The following PTPRQ variants were observed in gnomAD, a reference collection of about 807,000 sequenced individuals.
PTPRQ encodes phosphatidylinositol phosphatase PTPRQ.
A neutral mutation model predicts 246.0 loss-of-function variants in PTPRQ; 199 were observed. That is an observed-to-expected ratio of 0.81 (90% CI 0.72 to 0.91). PTPRQ has a LOEUF of 0.91. Among genes scored for constraint, PTPRQ ranks in the 40% least tolerant of loss-of-function variants. The pLI is 0.00. For synonymous variants in PTPRQ, 869 were observed against 853.2 expected (o/e 1.02, Z -0.32); for missense variants, 2,624 against 2,528.4 (o/e 1.04, Z -0.81).
At position 80,495,192 on chromosome 12, in the gene PTPRQ, T is replaced by G; in HGVS notation, c.1703T>G (p.Val568Gly). Reference sequence around the variant, plus strand: ...TCATATGTTCATTCTTCTTTTTAAGTGCCAAGCTCCATTAAAATTATAAAC... The same window carrying G: ...TCATATGTTCATTCTTCTTTTTAAGGGCCAAGCTCCATTAAAATTATAAAC... ...TVLSVRTRQQ[V>G]PSSIKIINYK... Residue 568 changes from valine to glycine, a missense_variant and splice_region_variant, in exon 12 of 45, where the codon GTG becomes GGG. Val to Gly is a moderately radical substitution (Grantham distance 109, BLOSUM62 -3). Coordinates refer to ENST00000644991, the MANE Select transcript of PTPRQ (RefSeq NM_001145026.2). 1 of 1,542,766 alleles carries G rather than the reference T, an allele frequency of 6.5e-7. No individual in the cohort carries two copies.
chr12:80,649,832 G>A lies in PTPRQ; in HGVS notation c.6024+163G>A, dbSNP rs1182772. ...TTTGATAGTAATGTTACACTGGGCC[G>A]CCTCTGGTGCAACCTGATCAGAATT... On this transcript the variant is annotated intron_variant, in intron 37 of 44. Coordinates refer to ENST00000644991, the MANE Select transcript of PTPRQ (RefSeq NM_001145026.2). Among the ~76,000 whole-genome samples the A allele has an allele frequency of 0.011, 1,731 of 152,140 alleles. 32 individuals carry two copies. The highest frequency in any genetic ancestry group is 0.04 in the African/African-American group (1,644 of 41,488).
chr12:80,471,089 G>C (rs1417333512), intron 7 of PTPRQ, among the ~76,000 whole-genome samples: 1 of 152,144 alleles, frequency 6.6e-6, no homozygotes, highest in Non-Finnish European at 1.5e-5. Context: ...CAGGTTAGTA[G>C]ATTACGACAA....
chr12:80,479,498 A>G (rs1189171174), intron 8 of PTPRQ, among the ~76,000 whole-genome samples: 3 of 149,616 alleles, frequency 2.0e-5, no homozygotes, highest in Non-Finnish European at 4.5e-5. Flanking sequence ...CTAACATCAT[A>G]ATGACAGGAT....
Position 80,598,297 on chromosome 12 carries a change from G to A in PTPRQ, c.4610-6762G>A, listed in dbSNP as rs143438056. 5.3e-5 allele frequency among the ~76,000 whole-genome samples: 8 copies of A among 152,090 alleles called. 2 individuals are homozygous for A. The highest frequency in any genetic ancestry group is 1.9e-4 in the African/African-American group (8 of 41,526). The stretch of plus-strand genomic sequence containing the variant: ...ATAGGAAATATTTCCTACACTGACA[G>A]TGGTGATGCGTTTTGGTCAGCGAAA... On this transcript the variant is annotated intron_variant, in intron 26 of 44. Transcript: ENST00000644991.
At chr12:80,676,433 A>G (rs1901145366) in intron 43 of PTPRQ, among the ~76,000 whole-genome samples, 1 of 152,148 alleles carries the variant, frequency 6.6e-6, no homozygotes, top group African/African-American at 2.4e-5. Flanking sequence ...ACCAGGGGTC[A>G]GGAGTTCGAG....
chr12:80,486,776 T>TGC (rs1894289164), intron 9 of PTPRQ, among the ~76,000 whole-genome samples: 1 of 152,142 alleles, frequency 6.6e-6, no homozygotes, highest in African/African-American at 2.4e-5. Flanking sequence ...TGAAATCTTA[T>TGC]TAGAAGTCAC....
intron 25 of PTPRQ, among the ~76,000 whole-genome samples, chr12:80,577,617 T>C (rs1426481507): frequency 6.6e-6 from 1 of 152,168 alleles, no homozygotes; most frequent in Non-Finnish European, 1.5e-5. Context: ...AATGACTTTT[T>C]CTTTGGAAGT....
intron 17 of PTPRQ, among the ~76,000 whole-genome samples, chr12:80,512,098 A>G (rs1305832316): frequency 6.6e-6 from 1 of 152,194 alleles, no homozygotes; most frequent in Non-Finnish European, 1.5e-5. Context: ...GGCTGTGCAG[A>G]TAAGAAAAAG....
chr12:80,468,888 A>G (rs1220063574), intron 7 of PTPRQ, 50 bp downstream of exon 7: 2 of 1,524,988 alleles, frequency 1.3e-6, no homozygotes, highest in Non-Finnish European at 8.8e-7. Flanking sequence ...GAATAATAAA[A>G]TATGTTACCA....
chr12:80,505,258 T>G (rs781265967), intron 14 of PTPRQ, among the ~76,000 whole-genome samples: 1 of 151,958 alleles, frequency 6.6e-6, no homozygotes, highest in Admixed American at 6.6e-5. Context: ...TGTTTACTTG[T>G]TTGTTTTTCT....
chr12:80,455,739 C>T lies in PTPRQ; in HGVS notation c.391-1836C>T, dbSNP rs139501633. Among the ~76,000 whole-genome samples, 105 of 151,350 alleles carry T rather than the reference C, an allele frequency of 6.9e-4. No homozygotes were observed. The East Asian group carries it at 0.019, about 28-fold the overall frequency. On this transcript the variant is annotated intron_variant, in intron 3 of 44. Coordinates refer to ENST00000644991, the MANE Select transcript of PTPRQ (RefSeq NM_001145026.2). ...CCAAATAGCTGGGACTAGAGGCGCC[C>T]GCCACCATGCCCGGCTAATTTTTTC...
chr12:80,669,293 C>T (rs1441141957), intron 40 of PTPRQ, 46 bp from the exon 41 acceptor site: 1 of 1,542,040 alleles, frequency 6.5e-7, no homozygotes, highest in African/African-American at 1.4e-5. Flanking sequence ...ACATATATAT[C>T]AATATAACAA....
In PTPRQ at chr12:80,483,834, G is replaced by A. The variant is rs565675610; in HGVS notation, c.1187-599G>A. 2.8e-4 allele frequency among the ~76,000 whole-genome samples: 43 copies of A among 152,030 alleles called. No individual in the cohort carries two copies. The South Asian group carries it at 8.5e-3, about 30-fold the overall frequency. On this transcript the variant is annotated intron_variant, in intron 8 of 44. Coordinates refer to ENST00000644991, the MANE Select transcript of PTPRQ (RefSeq NM_001145026.2). ...CCTCTTATGAGTGTGAACATGCGGC[G>A]TTTGGTTTTTTGTCCTTGTGATAGT...
At position 80,513,567 on chromosome 12, in the gene PTPRQ, G is replaced by A. The variant is rs1265759775; in HGVS notation, c.2678+3124G>A. Reference sequence around the variant, plus strand: ...GTGGTGTTGGGAAATGCAACATTTAGGCGGGAAAACAGAAATGCCTGTCCT... The same window carrying A: ...GTGGTGTTGGGAAATGCAACATTTAAGCGGGAAAACAGAAATGCCTGTCCT... On this transcript the variant is annotated intron_variant, in intron 17 of 44. Transcript: ENST00000644991. 2.0e-5 allele frequency among the ~76,000 whole-genome samples: 3 copies of A among 152,094 alleles called. No individual in the cohort carries two copies. The East Asian group carries it at 5.8e-4, about 29-fold the overall frequency.
intron 25 of PTPRQ, among the ~76,000 whole-genome samples, chr12:80,584,562 A>G (rs886743693): frequency 6.6e-6 from 1 of 152,126 alleles, no homozygotes; most frequent in African/African-American, 2.4e-5. Context: ...GTTTCCTCTG[A>G]CACAGTAAGT....
chr12:80,632,334 A>G, intron 34 of PTPRQ, 43 bp downstream of exon 34: 2 of 1,550,220 alleles, frequency 1.3e-6, no homozygotes, highest in East Asian at 2.5e-5. Flanking sequence ...CTTTATGGGC[A>G]TTATATCAGT....
intron 42 of PTPRQ, among the ~76,000 whole-genome samples, chr12:80,670,728 T>G (rs577907827): frequency 6.6e-6 from 1 of 152,148 alleles, no homozygotes; most frequent in East Asian, 1.9e-4. Flanking sequence ...TAGAGGAAAA[T>G]GTAGTATGAA....
intron 35 of PTPRQ, among the ~76,000 whole-genome samples, chr12:80,642,980 T>C (rs930344991): frequency 3.3e-5 from 5 of 150,876 alleles, no homozygotes; most frequent in Admixed American, 6.6e-5. Flanking sequence ...AGGCACTGTT[T>C]TAGGCACTGG....
chr12:80,533,851 G>A (rs1895911348), intron 17 of PTPRQ, among the ~76,000 whole-genome samples, 164 bp from the exon 18 acceptor site: 1 of 151,848 alleles, frequency 6.6e-6, no homozygotes, highest in Admixed American at 6.6e-5. Context: ...AAAGAATTCT[G>A]AAATTTACTA....
Sources: allele counts gnomAD v4.1 joint callset (sites outside exome capture counted in the v4.1 genomes callset), GRCh38; gene constraint gnomAD v4.1.1; transcripts MANE v1.5; gene names NCBI Gene and HGNC (gene_info 2026-07-23, HGNC 2026-07-21).